Variants in ZFHX3 observed in about 807,000 individuals in gnomAD.
ZFHX3 encodes zinc finger homeobox 3.
Under a neutral mutation model 279.1 loss-of-function variants are expected in ZFHX3, and 42 were observed. The observed-to-expected ratio is 0.15, with a 90% CI of 0.12 to 0.19. The LOEUF (loss-of-function observed/expected upper bound fraction) is 0.19. Among genes scored for constraint, ZFHX3 ranks in the 10% least tolerant of loss-of-function variants. The probability of loss-of-function intolerance (pLI) is 1.00; values close to 1 mark genes in which losing one functional copy is unlikely to be tolerated. For synonymous variants in ZFHX3, 2,293 were observed against 1,957.8 expected, an observed-to-expected ratio of 1.17 and a Z score of -4.52; for missense variants, 4,981 against 4,754.0, an observed-to-expected ratio of 1.05 and a Z score of -1.40.
At chr16:73,664,316 C>A (rs1401994255) in intron 2 of ZFHX3, among the ~76,000 whole-genome samples, 1 of 152,102 alleles carries the variant, frequency 6.6e-6, no homozygotes, top group Non-Finnish European at 1.5e-5. Context: ...AAAGAACTAC[C>A]ATAAATGGAG....
intron 2 of ZFHX3, among the ~76,000 whole-genome samples, chr16:73,472,727 T>C (rs1046684691): frequency 1.3e-5 from 2 of 152,152 alleles, no homozygotes; most frequent in African/African-American, 4.8e-5. Flanking sequence ...GATCAGGGGA[T>C]TGGTTAGTCC....
chr16:73,058,570 T>TGGCGACGGC (rs1965622736), exon 1 of ZFHX3: 1 of 192,350 alleles, frequency 5.2e-6, no homozygotes, highest in African/African-American at 2.8e-5. Context: ...GCGGCGCTGC[T>TGGCGACGGC]GGCGACGGCG....
At chr16:72,878,211 C>CA (rs926012241) in intron 4 of ZFHX3, among the ~76,000 whole-genome samples, 9 of 151,914 alleles carry the variant, frequency 5.9e-5, no homozygotes, top group South Asian at 4.2e-4. Context: ...AACAAAAAAA[C>CA]AAAAAAAACT....
intron 1 of ZFHX3, among the ~76,000 whole-genome samples, chr16:73,033,528 C>T (rs939156413): frequency 1.3e-5 from 2 of 150,182 alleles, no homozygotes; most frequent in Non-Finnish European, 3.0e-5. Context: ...AGGGGGCAGG[C>T]GGGGGGTGGG....
intron 1 of ZFHX3, among the ~76,000 whole-genome samples, chr16:72,967,383 G>C (rs943211747): frequency 3.3e-5 from 5 of 152,020 alleles, no homozygotes; most frequent in Non-Finnish European, 7.4e-5. Flanking sequence ...GACAACGTGA[G>C]CAAGAAAATT....
chr16:73,557,461 C>G (rs2020304667), intron 2 of ZFHX3, among the ~76,000 whole-genome samples: 1 of 152,080 alleles, frequency 6.6e-6, no homozygotes, highest in Non-Finnish European at 1.5e-5. Context: ...AATGGCTGCT[C>G]CGTAGACAGA....
At chr16:73,240,169 T>C (rs2013077779) in intron 5 of ZFHX3, among the ~76,000 whole-genome samples, 3 of 152,150 alleles carry the variant, frequency 2.0e-5, no homozygotes, top group Admixed American at 2.0e-4. Context: ...CACAGCCTTC[T>C]TGTGCTTAGG....
At chr16:73,784,796 A>AAATAT (rs56734827) in intron 1 of ZFHX3, among the ~76,000 whole-genome samples, 35 of 131,106 alleles carry the variant, frequency 2.7e-4, no homozygotes, top group South Asian at 1.5e-3. Context: ...TAAAAAAAAA[A>AAATAT]ATATATATAT....
chr16:73,442,364 T>C (rs977602195), intron 3 of ZFHX3, among the ~76,000 whole-genome samples: 1 of 151,870 alleles, frequency 6.6e-6, no homozygotes. Flanking sequence ...ATTTCCTCTT[T>C]TTTTTTTTTT....
chr16:72,952,009 AG>A (rs981223167), intron 2 of ZFHX3, among the ~76,000 whole-genome samples: 6 of 152,202 alleles, frequency 3.9e-5, no homozygotes, highest in African/African-American at 1.2e-4. Context: ...CAAGCACTTT[AG>A]GAGGCCAAGG....
chr16:73,655,457 A>T (rs576719156), intron 2 of ZFHX3, among the ~76,000 whole-genome samples: 34 of 152,310 alleles, frequency 2.2e-4, no homozygotes, highest in African/African-American at 7.5e-4. Flanking sequence ...GACATATGAA[A>T]ATCAATTGCA....
Position 72,787,734 on chromosome 16 carries a change from G to A in ZFHX3, c.10542C>T (p.Gly3514=), listed in dbSNP as rs777909698. ...VPTGGGGGGS[G]GGGGGGGGGG... is the part of the protein sequence containing the mutation. The stretch of plus-strand genomic sequence containing the variant: ...CGCCGCCGCCACCGCCGCCGCCGCC[G>A]CCACTGCCACCGCCGCCGCCGCCGG... Residue 3514 remains glycine (G), a synonymous_variant, in exon 10 of 10, where the codon GGC becomes GGT. Coordinates refer to ENST00000268489, the MANE Select transcript of ZFHX3 (RefSeq NM_006885.4). The A allele has an allele frequency of 1.0e-5, 14 of 1,387,140 alleles. 3 individuals are homozygous for A. The highest frequency in any genetic ancestry group is 5.8e-5 in the East Asian group (2 of 34,668). The allele number at this position is 1,387,140 out of a possible 1,614,324, so 85.9% of individuals were successfully genotyped here. A position where few individuals can be genotyped will look rare whatever the true frequency, so the allele number is the denominator to read the frequency against.
chr16:72,784,544 AATATAT>A lies in ZFHX3; in HGVS notation c.*2614_*2619del, dbSNP rs142323267. 2.0e-5 allele frequency: 3 copies of A among 150,312 alleles called. No homozygotes were observed. The highest frequency in any genetic ancestry group is 1.3e-4 in the Admixed American group (2 of 15,080). The allele number at this position is 150,312 out of a possible 1,614,324, so 9.3% of individuals were successfully genotyped here. The stretch of plus-strand genomic sequence containing the variant: ...AACATACAACAGTTAAATGGCAAAA[AATATAT>A]ATATATATATTTCATAGAGTTACAA... On this transcript the variant is annotated 3_prime_UTR_variant, in exon 10 of 10. Transcript: ENST00000268489.
chr16:73,118,689 G>A lies in ZFHX3; in HGVS notation c.-897+12279C>T, dbSNP rs916906927. 2.6e-4 allele frequency among the ~76,000 whole-genome samples: 39 copies of A among 152,200 alleles called. 1 individual carries two copies. Among genetic ancestry groups the A allele is most frequent in the African/African-American group, 4.8e-5 (2 of 41,458 alleles). On this transcript the variant is annotated intron_variant, in intron 7 of 17. Transcript: ENST00000641206. Reference sequence around the variant, plus strand: ...TTCAAGAAGAGGAATTTCACAGGATGTAGTAATTATACAAGCCTCTGGGCT... The same window carrying A: ...TTCAAGAAGAGGAATTTCACAGGATATAGTAATTATACAAGCCTCTGGGCT...
At chr16:73,159,019 G>A (rs775726233) in intron 5 of ZFHX3, among the ~76,000 whole-genome samples, 1 of 152,146 alleles carries the variant, frequency 6.6e-6, no homozygotes, top group Non-Finnish European at 1.5e-5. Flanking sequence ...ATAGGAACAG[G>A]CAAAGATTTC....
chr16:73,534,033 T>A (rs2019851829), intron 2 of ZFHX3, among the ~76,000 whole-genome samples: 1 of 152,168 alleles, frequency 6.6e-6, no homozygotes. Context: ...TGAGATCATG[T>A]TACTCCTCTG....
chr16:73,372,644 C>A (rs8044538), intron 3 of ZFHX3, among the ~76,000 whole-genome samples: 42,966 of 151,992 alleles, frequency 0.28, 7,178 homozygotes, highest in East Asian at 0.58. Flanking sequence ...TAAATTTCAG[C>A]GATGATTTTC....
At chr16:72,988,452 A>C (rs1379828523) in intron 1 of ZFHX3, among the ~76,000 whole-genome samples, 1 of 152,136 alleles carries the variant, frequency 6.6e-6, no homozygotes, top group Non-Finnish European at 1.5e-5. Context: ...GCAGGCTGGA[A>C]CCCGCCAAAC....
At chr16:72,885,956 T>C (rs937071093) in intron 4 of ZFHX3, among the ~76,000 whole-genome samples, 2 of 152,168 alleles carry the variant, frequency 1.3e-5, no homozygotes. Context: ...CTGACCCTTA[T>C]GTTAAAGAGG....
Sources: gnomAD v4.1 joint callset for allele counts (sites outside exome capture counted in the v4.1 genomes callset) on GRCh38, gnomAD v4.1.1 for gene constraint, MANE v1.5 for transcripts, NCBI Gene and HGNC (gene_info 2026-07-23, HGNC 2026-07-21) for gene names.